Variants in KCTD8 observed in about 807,000 individuals in gnomAD.
KCTD8 encodes the protein potassium channel tetramerization domain containing 8, also known as BTB/POZ domain-containing protein KCTD8.
Under a neutral mutation model 31.5 loss-of-function variants are expected in KCTD8, and 27 were observed. That is an observed-to-expected ratio of 0.86 (90% CI 0.63 to 1.18). KCTD8 has a LOEUF of 1.18. KCTD8 is among the 50% of genes most tolerant of loss of function. The probability of loss-of-function intolerance (pLI) is 0.00; values close to 1 mark genes in which losing one functional copy is unlikely to be tolerated. For synonymous variants in KCTD8, 290 were observed against 280.0 expected, an observed-to-expected ratio of 1.04 and a Z score of -0.36; for missense variants, 658 against 647.7, an observed-to-expected ratio of 1.02 and a Z score of -0.17.
chr4:44,431,853 C>T (rs186343690), intron 1 of KCTD8, among the ~76,000 whole-genome samples: 6 of 151,554 alleles, frequency 4.0e-5, no homozygotes, highest in Non-Finnish European at 5.9e-5. Flanking sequence ...TCCACGACAC[C>T]TTGACAGTTT....
intron 1 of KCTD8, among the ~76,000 whole-genome samples, chr4:44,191,322 G>T (rs879652266): frequency 1.3e-5 from 2 of 152,136 alleles, no homozygotes; most frequent in Non-Finnish European, 2.9e-5. Context: ...CAAATTGATT[G>T]TAAAACATGT....
intron 1 of KCTD8, among the ~76,000 whole-genome samples, chr4:44,190,940 C>T (rs1432077489): frequency 6.6e-6 from 1 of 152,176 alleles, no homozygotes; most frequent in African/African-American, 2.4e-5. Flanking sequence ...TAACAGACCT[C>T]TCTTCCTGAA....
chr4:44,185,416 C>G (rs796757765), intron 1 of KCTD8, among the ~76,000 whole-genome samples: 12 of 152,338 alleles, frequency 7.9e-5, no homozygotes, highest in African/African-American at 2.9e-4. Flanking sequence ...TTCCTAAAAC[C>G]TAATTCCATT....
chr4:44,178,203 A>G (rs1419996758), intron 1 of KCTD8, among the ~76,000 whole-genome samples: 1 of 152,194 alleles, frequency 6.6e-6, no homozygotes, highest in Non-Finnish European at 1.5e-5. Flanking sequence ...TTTAAGATTA[A>G]ATAAAATATC....
At chr4:44,226,806 T>C (rs1471153353) in intron 1 of KCTD8, among the ~76,000 whole-genome samples, 1 of 152,212 alleles carries the variant, frequency 6.6e-6, no homozygotes, top group African/African-American at 2.4e-5. Flanking sequence ...GATGAGCTTT[T>C]TTCGTATGTT....
At chr4:44,271,270 C>G (rs1716590719) in intron 1 of KCTD8, among the ~76,000 whole-genome samples, 1 of 152,078 alleles carries the variant, frequency 6.6e-6, no homozygotes, top group South Asian at 2.1e-4. Context: ...ACATAGAATA[C>G]AAATCCTCTA....
chr4:44,246,261 T>C (rs1715661373), intron 1 of KCTD8, among the ~76,000 whole-genome samples: 1 of 152,050 alleles, frequency 6.6e-6, no homozygotes, highest in African/African-American at 2.4e-5. Context: ...TATCTCCTAG[T>C]TTAAAATGAA....
At chr4:44,206,849 T>C (rs1714327603) in intron 1 of KCTD8, among the ~76,000 whole-genome samples, 1 of 152,182 alleles carries the variant, frequency 6.6e-6, no homozygotes, top group Admixed American at 6.5e-5. Context: ...AGGATTGTTT[T>C]AAGGATTACA....
chr4:44,226,620 T>A (rs781129593), intron 1 of KCTD8, among the ~76,000 whole-genome samples: 1 of 152,148 alleles, frequency 6.6e-6, no homozygotes, highest in African/African-American at 2.4e-5. Context: ...AGCCACACTG[T>A]TTTCCACAAT....
rs1718069077 is a variant in KCTD8 at position 44,315,121 on chromosome 4, T to C, written c.961+132442A>G. 2.6e-5 allele frequency among the ~76,000 whole-genome samples: 4 copies of C among 151,952 alleles called. No homozygotes were observed. In the South Asian group the frequency reaches 8.3e-4, roughly 31 times the overall value. Reference sequence around the variant, plus strand: ...CCTCCACATCCAAATGTTTGTGAGTTAATCATTTTAATTTCTTCTTGGGTT... The same window carrying C: ...CCTCCACATCCAAATGTTTGTGAGTCAATCATTTTAATTTCTTCTTGGGTT... On this transcript the variant is annotated intron_variant, in intron 1 of 1. Coordinates refer to ENST00000360029, the MANE Select transcript of KCTD8 (RefSeq NM_198353.3).
intron 1 of KCTD8, among the ~76,000 whole-genome samples, chr4:44,257,039 A>G (rs1716011696): frequency 6.6e-6 from 1 of 152,042 alleles, no homozygotes; most frequent in South Asian, 2.1e-4. Context: ...TCTAATTTAC[A>G]TAACATTTTA....
intron 1 of KCTD8, among the ~76,000 whole-genome samples, chr4:44,244,764 C>A (rs1260118692): frequency 6.6e-6 from 1 of 150,780 alleles, no homozygotes; most frequent in African/African-American, 2.4e-5. Context: ...AACAGGCATT[C>A]CTTGCTTGGT....
At chr4:44,359,244 A>G (rs183086936) in intron 1 of KCTD8, among the ~76,000 whole-genome samples, 2 of 150,090 alleles carry the variant, frequency 1.3e-5, no homozygotes, top group East Asian at 3.9e-4. Flanking sequence ...GCCCATGCCT[A>G]TGTCCTGAAT....
chr4:44,419,334 G>C lies in KCTD8; in HGVS notation c.961+28229C>G, dbSNP rs76973730. On this transcript the variant is annotated intron_variant, in intron 1 of 1. Coordinates refer to ENST00000360029, the MANE Select transcript of KCTD8 (RefSeq NM_198353.3). ...CAAAGGAACCCCAGACTAGCCATTA[G>C]TTACTCACTGAGAAGGGCCAGGGGC... Among the ~76,000 whole-genome samples the C allele has an allele frequency of 1.5e-4, 23 of 152,306 alleles. 1 individual carries two copies. The East Asian group carries it at 4.5e-3, about 29-fold the overall frequency.
At chr4:44,177,430 G>A (rs888028881) in intron 1 of KCTD8, among the ~76,000 whole-genome samples, 2 of 152,042 alleles carry the variant, frequency 1.3e-5, no homozygotes, top group Non-Finnish European at 1.5e-5. Context: ...AGGCCTACAG[G>A]TGTTGATGTG....
rs34405384 is a variant in KCTD8 at position 44,192,475 on chromosome 4, T to TACACACACAC, written c.962-17235_962-17226dup. On this transcript the variant is annotated intron_variant, in intron 1 of 1. Coordinates refer to ENST00000360029, the MANE Select transcript of KCTD8 (RefSeq NM_198353.3). The stretch of plus-strand genomic sequence containing the variant: ...GGATGGGGTGCAAGGTAAGCAAAGA[T>TACACACACAC]ACACACACACACACACACACACACA... Among the ~76,000 whole-genome samples, 635 of 137,182 alleles carry TACACACACAC rather than the reference T, an allele frequency of 4.6e-3. 3 individuals carry two copies. The highest frequency in any genetic ancestry group is 5.9e-3 in the Non-Finnish European group (368 of 62,204). 90.0% of individuals were successfully genotyped at this position (137,182 alleles called of 152,430 possible).
At chr4:44,270,252 G>A (rs1319018080) in intron 1 of KCTD8, among the ~76,000 whole-genome samples, 2 of 152,064 alleles carry the variant, frequency 1.3e-5, no homozygotes, top group East Asian at 3.9e-4. Context: ...GGACATGGAT[G>A]AAATTGGAAA....
chr4:44,275,274 G>A (rs1308950297), intron 1 of KCTD8, among the ~76,000 whole-genome samples: 1 of 151,874 alleles, frequency 6.6e-6, no homozygotes, highest in East Asian at 1.9e-4. Flanking sequence ...TCCTGTGCTT[G>A]TTCCTAACAT....
At chr4:44,196,082 C>T (rs1412742904) in intron 1 of KCTD8, among the ~76,000 whole-genome samples, 1 of 152,188 alleles carries the variant, frequency 6.6e-6, no homozygotes, top group Non-Finnish European at 1.5e-5. Flanking sequence ...CTCTAGAGGC[C>T]ACATCCTTTG....
Sources: gnomAD v4.1 joint callset for allele counts (sites outside exome capture counted in the v4.1 genomes callset) on GRCh38, gnomAD v4.1.1 for gene constraint, MANE v1.5 for transcripts, NCBI Gene and HGNC (gene_info 2026-07-23, HGNC 2026-07-21) for gene names.